Variants in SLC15A4 observed in about 807,000 individuals in gnomAD.
SLC15A4 encodes solute carrier family 15 member 4, also known as hPHT1.
Under a neutral mutation model 46.1 loss-of-function variants are expected in SLC15A4, and 26 were observed. The ratio of observed to expected loss-of-function variants is 0.56; its 90% CI spans 0.41 to 0.78. SLC15A4 has a LOEUF of 0.78. Ranked by LOEUF, SLC15A4 falls within the 30% of genes least tolerant of loss-of-function variation. SLC15A4 has a pLI of 0.00. For missense variants in SLC15A4, 751 were observed against 755.7 expected (o/e 0.99, Z 0.07); for synonymous variants, 370 against 333.4 (o/e 1.11, Z -1.20).
Position 128,796,429 on chromosome 12 carries a change from CAAAAAAAAAAA to C in SLC15A4, c.1574-2084_1574-2074del, listed in dbSNP as rs57014966. Among the ~76,000 whole-genome samples the C allele has an allele frequency of 8.3e-4, 28 of 33,928 alleles. No individual in the cohort carries two copies. The East Asian group carries it at 0.016, about 20-fold the overall frequency. The allele number at this position is 33,928 out of a possible 152,430, so 22.3% of individuals were successfully genotyped here. ...GGGCAACAAACGTGAAACTCCATCT[CAAAAAAAAAAA>C]AAAAAAAAAAAAAAAAAACCCACAC... On this transcript the variant is annotated intron_variant, in intron 7 of 7. Coordinates refer to ENST00000266771, the MANE Select transcript of SLC15A4 (RefSeq NM_145648.4).
intron 7 of SLC15A4, among the ~76,000 whole-genome samples, chr12:128,795,198 C>T (rs1356408244): frequency 6.6e-6 from 1 of 152,160 alleles, no homozygotes; most frequent in African/African-American, 2.4e-5. Context: ...ACACCCAACA[C>T]ACCAGGGCCG....
At chr12:128,809,249 T>C (rs1955624619) in intron 4 of SLC15A4, 147 bp downstream of exon 4, 1 of 617,490 alleles carries the variant, frequency 1.6e-6, no homozygotes, top group East Asian at 2.9e-5. Context: ...AAAAATATTC[T>C]CTAAAATAAG....
rs771772378 is a variant in SLC15A4 at position 128,808,769 on chromosome 12, G to C, written c.1258+19C>G. 4 of 1,612,882 alleles carry C rather than the reference G, an allele frequency of 2.5e-6. No homozygotes were observed. Among genetic ancestry groups the C allele is most frequent in the Non-Finnish European group, 3.4e-6 (4 of 1,179,468 alleles). On this transcript the variant is annotated intron_variant, in intron 5 of 7. Transcript: ENST00000266771. ...GCTGCAGTCGGGCCTGAGGAGGAAC[G>C]GAGCAGAATGCCTCTTACCTGCAGC...
intron 5 of SLC15A4, among the ~76,000 whole-genome samples, chr12:128,804,548 G>A (rs1955558071): frequency 6.6e-6 from 1 of 152,174 alleles, no homozygotes; most frequent in African/African-American, 2.4e-5. Context: ...TGGCCAATAT[G>A]GTGAAACCCC....
Position 128,808,954 on chromosome 12 carries a change from G to T in SLC15A4, c.1092C>A (p.Leu364=). The T allele has an allele frequency of 6.2e-7, 1 of 1,612,578 alleles. No individual in the cohort carries two copies. Among genetic ancestry groups the T allele is most frequent in the African/African-American group, 1.3e-5 (1 of 75,036 alleles). The stretch of plus-strand genomic sequence containing the variant: ...CAAACATGGTCAGCCAGGCTGCAGG[G>T]AGCTGGGGTGAAACACAGGAGGAGG... ...ISNITTTPHT[L]PAAWLTMFDA... Residue 364 remains leucine, a splice_region_variant and synonymous_variant, in exon 5 of 8, where the codon CTC becomes CTA. Transcript: ENST00000266771.
rs964143980 is a variant in SLC15A4, at chr12:128,814,823, G to C, written c.794C>G (p.Thr265Arg). The stretch of plus-strand genomic sequence containing the variant: ...TCGCTTCTGGGAACAGCAGGAATAC[G>C]TCAGTATCTTGAACATGTCGGTGAA... ...SAFTDMFKIL[T>R]YSCCSQKRSG... is the part of the protein sequence containing the mutation. The change falls in exon 2 of 8, where the codon ACG becomes AGG. Residue 265 changes from threonine to arginine, a missense_variant. Transcript: ENST00000266771. 5 of 1,614,208 alleles carry C rather than the reference G, an allele frequency of 3.1e-6. No individual in the cohort carries two copies. Among genetic ancestry groups the C allele is most frequent in the Non-Finnish European group, 4.2e-6 (5 of 1,180,048 alleles).
chr12:128,800,805 C>A, intron 6 of SLC15A4, 49 bp downstream of exon 6: 1 of 1,559,484 alleles, frequency 6.4e-7, no homozygotes, highest in Non-Finnish European at 8.7e-7. Flanking sequence ...TGCCCGAGCG[C>A]TCACGCTTGT....
intron 2 of SLC15A4, chr12:128,810,343 G>A (rs1593011384): frequency 8.5e-6 from 4 of 467,850 alleles, no homozygotes; most frequent in East Asian, 4.1e-5. Context: ...GTGAAACTGG[G>A]CTACTGTAAT....
intron 2 of SLC15A4, among the ~76,000 whole-genome samples, chr12:128,812,708 A>T (rs557801680): frequency 4.3e-4 from 66 of 152,252 alleles, no homozygotes; most frequent in Middle Eastern, 3.4e-3. Context: ...AGGGCCTTGC[A>T]CACATCACTG....
chr12:128,821,693 C>CT (rs766947101), intron 1 of SLC15A4, among the ~76,000 whole-genome samples: 26 of 152,100 alleles, frequency 1.7e-4, no homozygotes, highest in Admixed American at 3.9e-4. Context: ...CAAGACCATC[C>CT]TGGCCAACAC....
At chr12:128,813,573 T>C (rs901211496) in intron 2 of SLC15A4, 1 of 152,162 alleles carries the variant, frequency 6.6e-6, no homozygotes, top group African/African-American at 2.4e-5. Flanking sequence ...TCCAAGAGCA[T>C]GAGTAAGACA....
rs1377010509 is a variant in SLC15A4, at chr12:128,808,954, G to A, written c.1092C>T (p.Leu364=). Residue 364 remains leucine, a splice_region_variant and synonymous_variant, in exon 5 of 8, where the codon CTC becomes CTT. Transcript: ENST00000266771. ...ISNITTTPHT[L]PAAWLTMFDA... is the part of the protein sequence containing the mutation. ...CAAACATGGTCAGCCAGGCTGCAGG[G>A]AGCTGGGGTGAAACACAGGAGGAGG... 6.2e-7 allele frequency: 1 copy of A among 1,612,578 alleles called. No individual in the cohort carries two copies. The highest frequency in any genetic ancestry group is 1.1e-5 in the South Asian group (1 of 90,874).
At position 128,815,209 on chromosome 12, in the gene SLC15A4, G is replaced by A. The variant is rs919651222; in HGVS notation, c.547-139C>T. 2.0e-5 allele frequency: 16 copies of A among 800,314 alleles called. No homozygotes were observed. The African/African-American group carries it at 2.1e-4, about 11-fold the overall frequency. 49.6% of individuals were successfully genotyped at this position (800,314 alleles called of 1,614,324 possible). On this transcript the variant is annotated intron_variant, in intron 1 of 7. Coordinates refer to ENST00000266771, the MANE Select transcript of SLC15A4 (RefSeq NM_145648.4). ...CAACACAATCAAAATTGTGTTTACA[G>A]AAACATTCACGGATCTCAACAAAAA...
In SLC15A4 at chr12:128,799,415, G is replaced by T. The variant is rs1265345964; in HGVS notation, c.1417C>A (p.Leu473Met). The change falls in exon 7 of 8, where the codon CTG (leucine) becomes ATG (methionine). Residue 473 changes from leucine to methionine, a missense_variant and splice_region_variant. Leu to Met is a conservative substitution (Grantham distance 15). Transcript: ENST00000266771. ...GGGGCAGCTGAGTATGCAAATTCCA[G>T]GCCTGAGGAAAGAAAAGGGAGGGTC... ...ISEIFASIAG[L>M]EFAYSAAPKS... 1 of 1,613,854 alleles carries T rather than the reference G, an allele frequency of 6.2e-7. No individual in the cohort carries two copies. Among genetic ancestry groups the T allele is most frequent in the African/African-American group, 1.3e-5 (1 of 74,866 alleles).
chr12:128,810,355 T>C (rs1352571127), intron 2 of SLC15A4: 1 of 464,530 alleles, frequency 2.2e-6, no homozygotes, highest in African/African-American at 2.0e-5. Flanking sequence ...TACTGTAATT[T>C]TGGCGTGGCT....
At chr12:128,799,831 A>T (rs954337788) in intron 6 of SLC15A4, among the ~76,000 whole-genome samples, 1 of 152,164 alleles carries the variant, frequency 6.6e-6, no homozygotes, top group Non-Finnish European at 1.5e-5. Context: ...TCTATTTCAG[A>T]GGCAATATAC....
In SLC15A4 at chr12:128,808,779, G is replaced by A. The variant is rs1187001885; in HGVS notation, c.1258+9C>T. 8 of 1,613,744 alleles carry A rather than the reference G, an allele frequency of 5.0e-6. No homozygotes were observed. The African/African-American group carries it at 1.1e-4, about 22-fold the overall frequency. Reference sequence around the variant, plus strand: ...GGCCTGAGGAGGAACGGAGCAGAATGCCTCTTACCTGCAGCAAAGGCCGAG... The same window carrying A: ...GGCCTGAGGAGGAACGGAGCAGAATACCTCTTACCTGCAGCAAAGGCCGAG... On this transcript the variant is annotated intron_variant, in intron 5 of 7. Transcript: ENST00000266771.
intron 5 of SLC15A4, among the ~76,000 whole-genome samples, chr12:128,807,310 G>C (rs1955601521): frequency 6.6e-6 from 1 of 152,162 alleles, no homozygotes; most frequent in Non-Finnish European, 1.5e-5. Flanking sequence ...CACCAGAATG[G>C]ACTGCATGGC....
chr12:128,817,752 T>C (rs892109106), intron 1 of SLC15A4, among the ~76,000 whole-genome samples: 3 of 152,232 alleles, frequency 2.0e-5, no homozygotes, highest in Non-Finnish European at 4.4e-5. Flanking sequence ...AAAATTACTT[T>C]ATAAGCCAAA....
Sources: gnomAD v4.1 joint callset for allele counts (sites outside exome capture counted in the v4.1 genomes callset) on GRCh38, gnomAD v4.1.1 for gene constraint, MANE v1.5 for transcripts, NCBI Gene and HGNC (gene_info 2026-07-23, HGNC 2026-07-21) for gene names.